The following NSD1 variants were observed in gnomAD, a reference collection of about 807,000 sequenced individuals.
NSD1 encodes histone-lysine N-methyltransferase, H3 lysine-36 specific.
NSD1 carries 26 observed loss-of-function variants against 242.7 expected under a neutral mutation model. The ratio of observed to expected loss-of-function variants is 0.11; its 90% CI spans 0.08 to 0.15. NSD1 has a LOEUF of 0.15. NSD1 is among the 10% of genes least tolerant of loss of function. The pLI, the probability that NSD1 is intolerant of heterozygous loss-of-function variation, is 1.00. For synonymous variants in NSD1, 1,106 were observed against 1,178.1 expected (o/e 0.94, Z 1.25); for missense variants, 2,495 against 3,272.8 (o/e 0.76, Z 5.80).
chr5:177,292,468 T>C (rs931514227), intron 22 of NSD1, among the ~76,000 whole-genome samples: 8 of 152,202 alleles, frequency 5.3e-5, no homozygotes, highest in South Asian at 2.1e-4. Context: ...AGAGTGAGGA[T>C]TGGGGAGGTG....
Position 177,246,693 on chromosome 5 carries a change from T to C in NSD1, c.4394T>C (p.Phe1465Ser), listed in dbSNP as rs765722827. ...CCTGTCATAGGCACTACCAAGATATTTGACAAGCCAAGGAAGCGAAAACGA... is the reference window on the plus strand; with the variant it reads ...CCTGTCATAGGCACTACCAAGATATCTGACAAGCCAAGGAAGCGAAAACGA... The part of the protein sequence containing the change: ...KDFGGGTTKI[F>S]DKPRKRKRQR... The change falls in exon 10 of 23, where the codon TTT becomes TCT. Residue 1465 changes from phenylalanine (F) to serine (S), a missense_variant. Physicochemically the swap from Phe to Ser is radical, Grantham distance 155 (BLOSUM62 -2). Transcript: ENST00000439151. 3 of 1,613,906 alleles carry C rather than the reference T, an allele frequency of 1.9e-6. No individual in the cohort carries two copies. The Admixed American group carries it at 5.0e-5, about 27-fold the overall frequency.
At chr5:177,136,637 CTG>C (rs1310797719) in intron 2 of NSD1, among the ~76,000 whole-genome samples, 1 of 150,212 alleles carries the variant, frequency 6.7e-6, no homozygotes, top group Non-Finnish European at 1.5e-5. Flanking sequence ...GAGTCTCACT[CTG>C]TTGCCAGGCT....
rs1158245074 is a variant in NSD1 at position 177,248,362 on chromosome 5, G to A, written c.4641+38G>A. On this transcript the variant is annotated intron_variant, in intron 11 of 22. Coordinates refer to ENST00000439151, the MANE Select transcript of NSD1 (RefSeq NM_022455.5). ...TTGCCCACTTGTGTTTTCATTGCATGTTCATCTTTAAAGGGAAACCCACTC... is the reference window on the plus strand; with the variant it reads ...TTGCCCACTTGTGTTTTCATTGCATATTCATCTTTAAAGGGAAACCCACTC... 3.7e-6 allele frequency: 6 copies of A among 1,603,046 alleles called. No homozygotes were observed. The African/African-American group carries it at 5.4e-5, about 14-fold the overall frequency.
intron 5 of NSD1, among the ~76,000 whole-genome samples, chr5:177,225,100 C>G (rs1764533808): frequency 6.6e-6 from 1 of 151,986 alleles, no homozygotes; most frequent in South Asian, 2.1e-4. Context: ...CTACAGTTTT[C>G]CTATTTGTGT....
At chr5:177,169,831 C>T (rs1255296654) in intron 2 of NSD1, among the ~76,000 whole-genome samples, 1 of 152,136 alleles carries the variant, frequency 6.6e-6, no homozygotes, top group East Asian at 1.9e-4. Flanking sequence ...CAAATTCCAA[C>T]AGTGCAAAAA....
chr5:177,172,645 G>T (rs1343023288), intron 2 of NSD1, among the ~76,000 whole-genome samples: 1 of 152,048 alleles, frequency 6.6e-6, no homozygotes, highest in Non-Finnish European at 1.5e-5. Flanking sequence ...TTTGTGAATC[G>T]CTGAGGCAAA....
chr5:177,257,216 T>C (rs1320152242), intron 13 of NSD1, 65 bp downstream of exon 13: 6 of 1,291,688 alleles, frequency 4.6e-6, no homozygotes, highest in Non-Finnish European at 6.5e-6. Context: ...ACAGATATTT[T>C]CTTTTTTCTT....
chr5:177,207,413 G>C (rs1039767978), intron 4 of NSD1, among the ~76,000 whole-genome samples: 6 of 151,406 alleles, frequency 4.0e-5, no homozygotes, highest in Admixed American at 4.0e-4. Context: ...CTCCCGAGTA[G>C]CTGGGACTAC....
intron 2 of NSD1, among the ~76,000 whole-genome samples, chr5:177,178,919 A>G (rs1424610641): frequency 1.3e-5 from 2 of 152,186 alleles, no homozygotes; most frequent in Non-Finnish European, 2.9e-5. Context: ...AGTGCAGTAA[A>G]AAGAGGTATG....
intron 5 of NSD1, among the ~76,000 whole-genome samples, chr5:177,212,490 T>C (rs1053080279): frequency 2.0e-5 from 3 of 147,552 alleles, no homozygotes; most frequent in Non-Finnish European, 4.5e-5. Context: ...TCTCTCTCTT[T>C]TTTTTTTTTT....
At chr5:177,262,824 T>A (rs1757098896) in intron 14 of NSD1, among the ~76,000 whole-genome samples, 1 of 152,216 alleles carries the variant, frequency 6.6e-6, no homozygotes, top group Non-Finnish European at 1.5e-5. Context: ...ACCCTGGCAA[T>A]GGAAACCGAT....
intron 6 of NSD1, among the ~76,000 whole-genome samples, chr5:177,236,518 T>C (rs1765447545): frequency 6.6e-6 from 1 of 152,266 alleles, no homozygotes. Flanking sequence ...CTAGGACTGC[T>C]CATTGTAACT....
chr5:177,186,478 A>G (rs2149815067), intron 2 of NSD1, among the ~76,000 whole-genome samples: 1 of 152,270 alleles, frequency 6.6e-6, no homozygotes, highest in Middle Eastern at 3.4e-3. Flanking sequence ...AATCCTCAGA[A>G]GTGCAACATA....
chr5:177,221,030 A>AT (rs1764195496), intron 5 of NSD1: 1 of 455,310 alleles, frequency 2.2e-6, no homozygotes, highest in Non-Finnish European at 4.4e-6. Context: ...CCCCCGGTTA[A>AT]TTTTGTGTGG....
At chr5:177,172,927 A>C (rs1759831505) in intron 2 of NSD1, among the ~76,000 whole-genome samples, 1 of 142,840 alleles carries the variant, frequency 7.0e-6, no homozygotes, top group Non-Finnish European at 1.5e-5. Context: ...CTGCCACTGT[A>C]CTCTAGCCTG....
intron 2 of NSD1, among the ~76,000 whole-genome samples, chr5:177,153,663 A>G (rs1242105353): frequency 3.3e-5 from 5 of 152,010 alleles, no homozygotes; most frequent in Non-Finnish European, 7.4e-5. Context: ...ATATAGCTAG[A>G]TCTGTGTTTT....
chr5:177,241,380 G>A (rs1054132662), intron 8 of NSD1, among the ~76,000 whole-genome samples: 3 of 151,178 alleles, frequency 2.0e-5, no homozygotes, highest in East Asian at 1.9e-4. Context: ...TGGTACCTGC[G>A]CATAATCCCA....
chr5:177,185,363 G>A (rs961212396), intron 2 of NSD1, among the ~76,000 whole-genome samples: 4 of 151,770 alleles, frequency 2.6e-5, no homozygotes, highest in Non-Finnish European at 2.9e-5. Flanking sequence ...CTTGGGAGGC[G>A]GAGGCTGGTG....
chr5:177,188,009 TCTGCCAGTC>T (rs1438295496), intron 2 of NSD1, among the ~76,000 whole-genome samples: 2 of 152,204 alleles, frequency 1.3e-5, no homozygotes, highest in Non-Finnish European at 2.9e-5. Context: ...CATTCTGAAA[TCTGCCAGTC>T]CTGCCAGTCT....
Sources: gnomAD v4.1 joint callset for allele counts (sites outside exome capture counted in the v4.1 genomes callset) on GRCh38, gnomAD v4.1.1 for gene constraint, MANE v1.5 for transcripts, NCBI Gene and HGNC (gene_info 2026-07-23, HGNC 2026-07-21) for gene names.